Variants in CDKAL1 observed in about 807,000 individuals in gnomAD.
CDKAL1 encodes threonylcarbamoyladenosine tRNA methylthiotransferase.
Under a neutral mutation model 68.2 loss-of-function variants are expected in CDKAL1, and 32 were observed. The observed-to-expected ratio is 0.47, with a 90% CI of 0.35 to 0.63. The LOEUF is 0.63. Among genes scored for constraint, CDKAL1 ranks in the 30% least tolerant of loss-of-function variants. The probability of loss-of-function intolerance (pLI) is 0.00; values close to 1 mark genes in which losing one functional copy is unlikely to be tolerated. For synonymous variants in CDKAL1, 234 were observed against 244.3 expected, an observed-to-expected ratio of 0.96 and a Z score of 0.39; for missense variants, 606 against 696.7, an observed-to-expected ratio of 0.87 and a Z score of 1.47.
chr6:20,537,326 G>A (rs1053619595), intron 2 of CDKAL1, among the ~76,000 whole-genome samples: 5 of 152,148 alleles, frequency 3.3e-5, no homozygotes, highest in Admixed American at 2.6e-4. Context: ...AAAGCTTCCC[G>A]CTGGGTGCAG....
Position 20,997,496 on chromosome 6 carries a change from G to T in CDKAL1, c.910-2731G>T, listed in dbSNP as rs375823332. On this transcript the variant is annotated intron_variant, in intron 10 of 15. Coordinates refer to ENST00000274695, the MANE Select transcript of CDKAL1 (RefSeq NM_017774.3). ...GCAAGGCCTGTAGTATGAAGCTAAA[G>T]ATAATTACTAGTGGGAAGGTTTATT... Among the ~76,000 whole-genome samples the T allele has an allele frequency of 7.8e-5, 11 of 141,038 alleles. No individual in the cohort carries two copies. The South Asian group carries it at 1.2e-3, about 15-fold the overall frequency. 92.5% of individuals were successfully genotyped at this position (141,038 alleles called of 152,430 possible).
chr6:20,917,581 G>C (rs944657491), intron 9 of CDKAL1, among the ~76,000 whole-genome samples: 1 of 152,050 alleles, frequency 6.6e-6, no homozygotes, highest in African/African-American at 2.4e-5. Context: ...AAGCTCTTTA[G>C]TGGTGATTTC....
rs146542834 is a variant in CDKAL1 at position 20,815,986 on chromosome 6, G to T, written c.639-30089G>T. Among the ~76,000 whole-genome samples the T allele has an allele frequency of 2.3e-4, 35 of 152,236 alleles. No homozygotes were observed. The East Asian group carries it at 6.2e-3, about 27-fold the overall frequency. On this transcript the variant is annotated intron_variant, in intron 8 of 15. Coordinates refer to ENST00000274695, the MANE Select transcript of CDKAL1 (RefSeq NM_017774.3). ...TAGGCAGTACCATGTTCTCTCCAGAGCTATAGGAGAGAATCCTTTCTTGCT... is the reference window on the plus strand; with the variant it reads ...TAGGCAGTACCATGTTCTCTCCAGATCTATAGGAGAGAATCCTTTCTTGCT...
Position 20,782,747 on chromosome 6 carries a change from A to G in CDKAL1, c.638+1482A>G, listed in dbSNP as rs1581571131. 2.0e-5 allele frequency among the ~76,000 whole-genome samples: 3 copies of G among 152,304 alleles called. No homozygotes were observed. The South Asian group carries it at 6.2e-4, about 32-fold the overall frequency. The stretch of plus-strand genomic sequence containing the variant: ...TTACCACTCTATCCCCAGTGAGTAG[A>G]AAATTATACACAGTAGGGATTTAAT... On this transcript the variant is annotated intron_variant, in intron 8 of 15. Transcript: ENST00000274695.
chr6:20,705,848 T>C (rs897040568), intron 5 of CDKAL1, among the ~76,000 whole-genome samples: 8 of 152,160 alleles, frequency 5.3e-5, no homozygotes, highest in African/African-American at 1.9e-4. Context: ...TCGAATCTGT[T>C]TAGGATTACT....
At chr6:20,584,610 G>C (rs1020867142) in intron 4 of CDKAL1, among the ~76,000 whole-genome samples, 1 of 152,196 alleles carries the variant, frequency 6.6e-6, no homozygotes, top group African/African-American at 2.4e-5. Context: ...TCCTTGGTGA[G>C]TTAAGGCTTA....
In CDKAL1 at chr6:21,049,387, A is replaced by G. The variant is rs9942509; in HGVS notation, c.1056-15661A>G. On this transcript the variant is annotated intron_variant, in intron 11 of 15. Coordinates refer to ENST00000274695, the MANE Select transcript of CDKAL1 (RefSeq NM_017774.3). Reference sequence around the variant, plus strand: ...TGAACCTTATAATTCATGTTACCATAGAAACAGAAAAACTCATATAAGAAT... The same window carrying G: ...TGAACCTTATAATTCATGTTACCATGGAAACAGAAAAACTCATATAAGAAT... Among the ~76,000 whole-genome samples the G allele has an allele frequency of 9.7e-3, 1,477 of 152,328 alleles. 31 individuals are homozygous for G. The highest frequency in any genetic ancestry group is 0.033 in the African/African-American group (1,362 of 41,580).
At position 20,875,641 on chromosome 6, in the gene CDKAL1, G is replaced by C. The variant is rs950738792; in HGVS notation, c.742+29463G>C. 3.9e-5 allele frequency among the ~76,000 whole-genome samples: 6 copies of C among 151,944 alleles called. 1 individual carries two copies. Among genetic ancestry groups the C allele is most frequent in the Admixed American group, 3.9e-4 (6 of 15,246 alleles). On this transcript the variant is annotated intron_variant, in intron 9 of 15. Transcript: ENST00000274695. ...TGTTCCCTTGGCTTTTAAAAATTAA[G>C]TAATAATGTGTTCTCTGTCTCTATT...
At chr6:20,543,541 G>A (rs1216610972) in intron 2 of CDKAL1, among the ~76,000 whole-genome samples, 1 of 152,010 alleles carries the variant, frequency 6.6e-6, no homozygotes, top group Non-Finnish European at 1.5e-5. Context: ...TTGACTGTTT[G>A]ACTTTTCAGC....
chr6:20,942,618 T>G (rs1764038544), intron 9 of CDKAL1, among the ~76,000 whole-genome samples: 1 of 149,324 alleles, frequency 6.7e-6, no homozygotes, highest in East Asian at 2.1e-4. Context: ...CTGCCTGCCT[T>G]GGCCTCCCAA....
chr6:20,943,346 A>AAAAGAAAAAAAG (rs1764083398), intron 9 of CDKAL1, among the ~76,000 whole-genome samples: 1 of 48,694 alleles, frequency 2.1e-5, no homozygotes, highest in Admixed American at 1.9e-4. Flanking sequence ...AAAAAAAAAG[A>AAAAGAAAAAAAG]AAAAGAAAAA....
At chr6:20,889,437 G>T (rs1348120377) in intron 9 of CDKAL1, among the ~76,000 whole-genome samples, 1 of 152,014 alleles carries the variant, frequency 6.6e-6, no homozygotes, top group Non-Finnish European at 1.5e-5. Context: ...TAGACATGAA[G>T]TCCTTGCCCA....
chr6:21,091,851 A>G (rs1773022315), intron 12 of CDKAL1, among the ~76,000 whole-genome samples: 1 of 136,604 alleles, frequency 7.3e-6, no homozygotes, highest in Non-Finnish European at 1.6e-5. Flanking sequence ...ACAGGCTCAG[A>G]ACTTTCTTTT....
At chr6:20,817,632 T>G (rs928797293) in intron 8 of CDKAL1, among the ~76,000 whole-genome samples, 19 of 152,150 alleles carry the variant, frequency 1.2e-4, no homozygotes, top group African/African-American at 4.3e-4. Context: ...TGCTACTCAT[T>G]TTTTTATGTT....
At chr6:20,635,925 C>G (rs1403430076) in intron 4 of CDKAL1, among the ~76,000 whole-genome samples, 2 of 152,086 alleles carry the variant, frequency 1.3e-5, no homozygotes, top group African/African-American at 4.8e-5. Context: ...AGTGGAGAGC[C>G]ATGGAGAAAT....
At chr6:20,956,193 CTTGT>C (rs1446954233) in intron 10 of CDKAL1, among the ~76,000 whole-genome samples, 1 of 152,172 alleles carries the variant, frequency 6.6e-6, no homozygotes, top group Non-Finnish European at 1.5e-5. Flanking sequence ...AATTTCCTTC[CTTGT>C]TTTTCACTTA....
chr6:20,626,059 C>T (rs1285897967), intron 4 of CDKAL1, among the ~76,000 whole-genome samples: 2 of 151,980 alleles, frequency 1.3e-5, no homozygotes, highest in African/African-American at 4.8e-5. Context: ...GTTCACTTTC[C>T]CCTACTTCTT....
At chr6:20,548,779 G>A (rs990374586) in intron 4 of CDKAL1, 74 bp downstream of exon 4, 130 of 666,446 alleles carry the variant, frequency 2.0e-4, no homozygotes, top group Non-Finnish European at 2.0e-4. Flanking sequence ...TAGCCTAGCA[G>A]TTAAAGGGTA....
At chr6:21,050,550 T>C (rs1421480415) in intron 11 of CDKAL1, among the ~76,000 whole-genome samples, 1 of 152,220 alleles carries the variant, frequency 6.6e-6, no homozygotes, top group Non-Finnish European at 1.5e-5. Flanking sequence ...TCCTTTCTTG[T>C]GGCTGGGTCT....
Sources: allele counts gnomAD v4.1 joint callset (sites outside exome capture counted in the v4.1 genomes callset), GRCh38; gene constraint gnomAD v4.1.1; transcripts MANE v1.5; gene names NCBI Gene and HGNC (gene_info 2026-07-23, HGNC 2026-07-21).